AMOT: variants seen among roughly 807,000 people sequenced by gnomAD.
AMOT encodes angiomotin.
Under a neutral mutation model 67.0 loss-of-function variants are expected in AMOT, and 11 were observed. The observed-to-expected ratio is 0.16, with a 90% CI of 0.10 to 0.27. AMOT has a LOEUF of 0.27. Among genes scored for constraint, AMOT ranks in the 10% least tolerant of loss-of-function variants. The probability of loss-of-function intolerance (pLI) is 1.00; values close to 1 mark genes in which losing one functional copy is unlikely to be tolerated. For synonymous variants in AMOT, 326 were observed against 321.4 expected, an observed-to-expected ratio of 1.01 and a Z score of -0.15; for missense variants, 753 against 852.0, an observed-to-expected ratio of 0.88 and a Z score of 1.45.
At chrX:112,805,339 T>C (rs1569398243) in intron 7 of AMOT, among the ~76,000 whole-genome samples, 1 of 104,705 alleles carries the variant, frequency 9.6e-6, no homozygotes, top group Non-Finnish European at 1.9e-5. Context: ...TTGTAACGTG[T>C]TCCAAAAATT....
intron 10 of AMOT, among the ~76,000 whole-genome samples, chrX:112,785,403 C>T (rs772536754): frequency 1.3e-4 from 15 of 111,861 alleles, no homozygotes; most frequent in Non-Finnish European, 2.4e-4. Context: ...TCAGCATCAT[C>T]GTTTTGTTTA....
intron 4 of AMOT, among the ~76,000 whole-genome samples, 165 bp from the exon 5 acceptor site, chrX:112,816,042 T>C (rs1934548856): frequency 1.8e-5 from 2 of 110,442 alleles, no homozygotes. Flanking sequence ...GCCTGCTCTA[T>C]CTCTGCAAAG....
intron 7 of AMOT, among the ~76,000 whole-genome samples, chrX:112,808,681 A>C (rs899410559): frequency 8.9e-6 from 1 of 112,122 alleles, no homozygotes; most frequent in Admixed American, 9.5e-5. Context: ...CACAGAAAGG[A>C]GTATGATCTA....
At chrX:112,784,107 A>G (rs759264115) in intron 10 of AMOT, among the ~76,000 whole-genome samples, 6 of 112,103 alleles carry the variant, frequency 5.4e-5, no homozygotes, top group Non-Finnish European at 7.5e-5. Flanking sequence ...AAAGAATACA[A>G]TGGCTTTCAT....
At chrX:112,822,124 C>A in intron 4 of AMOT, 131 bp downstream of exon 4, 1 of 855,718 alleles carries the variant, frequency 1.2e-6, no homozygotes, top group African/African-American at 2.0e-5. Context: ...ATTCACGAAG[C>A]CAGAGGCCTG....
At chrX:112,832,839 G>A (rs1295660144) in intron 1 of AMOT, among the ~76,000 whole-genome samples, 1 of 111,313 alleles carries the variant, frequency 9.0e-6, no homozygotes. Context: ...CTCAGGTGCT[G>A]ACTGCAGGTG....
intron 1 of AMOT, among the ~76,000 whole-genome samples, chrX:112,839,509 G>A (rs999297881): frequency 9.0e-6 from 1 of 111,584 alleles, no homozygotes; most frequent in Non-Finnish European, 1.9e-5. Flanking sequence ...TCTTCATGGC[G>A]GGGAGGGAGG....
At chrX:112,825,484 G>A (rs1031080418) in intron 2 of AMOT, among the ~76,000 whole-genome samples, 3 of 111,528 alleles carry the variant, frequency 2.7e-5, no homozygotes, top group Non-Finnish European at 5.7e-5. Context: ...TGACCTCACA[G>A]CCCTAGAAAG....
chrX:112,798,258 C>A (rs1933902104), intron 8 of AMOT, among the ~76,000 whole-genome samples: 1 of 112,766 alleles, frequency 8.9e-6, no homozygotes, highest in East Asian at 2.8e-4. Context: ...TCCAAGAGTT[C>A]TTCCTTGAAT....
chrX:112,779,381 CAGCAGCAGCTGG>C lies in AMOT; in HGVS notation c.2761_2772del (p.Pro921_Ala924del), dbSNP rs1270350808. The C allele has an allele frequency of 4.8e-6, 5 of 1,044,881 alleles. No homozygotes were observed. The highest frequency in any genetic ancestry group is 6.6e-6 in the Non-Finnish European group (5 of 762,317). The allele number at this position is 1,044,881 out of a possible 1,213,427, so 86.1% of individuals were successfully genotyped here. On this transcript the variant is annotated inframe_deletion, in exon 13 of 14. Coordinates refer to ENST00000371959, the MANE Select transcript of AMOT (RefSeq NM_001113490.2). Reference sequence around the variant, plus strand: ...GCGGCAGTGGCTGGAGACGGGGCAGCAGCAGCAGCTGGAGCAGCAGCAGCAGCAACAGCAACT... The same window carrying C: ...GCGGCAGTGGCTGGAGACGGGGCAGCAGCAGCAGCAGCAGCAACAGCAACT...
intron 10 of AMOT, among the ~76,000 whole-genome samples, chrX:112,785,750 T>C (rs1303907346): frequency 8.9e-6 from 1 of 111,926 alleles, no homozygotes; most frequent in Admixed American, 9.5e-5. Context: ...CAGCAACAGA[T>C]CATGAAACTA....
At position 112,779,376 on chromosome X, in the gene AMOT, GGCAGCAGCAGCAGCTGGAGCA is replaced by G; in HGVS notation, c.2757_2777del (p.Ala920_Ala926del). 2.0e-6 allele frequency: 2 copies of G among 1,008,116 alleles called. No homozygotes were observed. Among genetic ancestry groups the G allele is most frequent in the South Asian group, 2.0e-5 (1 of 49,720 alleles). The allele number at this position is 1,008,116 out of a possible 1,213,427, so 83.1% of individuals were successfully genotyped here. Reference sequence around the variant, plus strand: ...TAGCAGCGGCAGTGGCTGGAGACGGGGCAGCAGCAGCAGCTGGAGCAGCAGCAGCAGCAACAGCAACTGGAG... The same window carrying G: ...TAGCAGCGGCAGTGGCTGGAGACGGGGCAGCAGCAGCAACAGCAACTGGAG... On this transcript the variant is annotated inframe_deletion, in exon 13 of 14. Transcript: ENST00000371959.
rs201021583 is a variant in AMOT at position 112,815,453 on chromosome X, T to C, written c.1297A>G (p.Arg433Gly). The C allele has an allele frequency of 1.1e-5, 13 of 1,209,936 alleles. No homozygotes were observed. Among genetic ancestry groups the C allele is most frequent in the African/African-American group, 1.8e-5 (1 of 57,090 alleles). Reference sequence around the variant, plus strand: ...AGGATCTCAACCATCTGCTGGGCTCTGGAAACAATGGCAAAAGGGTCTGCT... The same window carrying C: ...AGGATCTCAACCATCTGCTGGGCTCCGGAAACAATGGCAAAAGGGTCTGCT... The part of the protein sequence containing the change: ...VPADPFAIVS[R>G]AQQMVEILSD... Residue 433 changes from arginine (R) to glycine (G), a missense_variant, in exon 5 of 14, where the codon AGA (arginine) becomes GGA (glycine). Arg to Gly is a moderately radical substitution (Grantham distance 125, BLOSUM62 -2). Around this residue, in one of 5 missense-constraint regions of AMOT, gnomAD observed 297 missense variants for 284.3 expected, o/e 1.04. Coordinates refer to ENST00000371959, the MANE Select transcript of AMOT (RefSeq NM_001113490.2).
At chrX:112,809,353 A>G (rs142542129) in intron 7 of AMOT, among the ~76,000 whole-genome samples, 102 of 111,347 alleles carry the variant, frequency 9.2e-4, no homozygotes, top group African/African-American at 3.1e-3. Context: ...AAACACTATT[A>G]TGAGGAAGAC....
At chrX:112,813,798 T>C (rs1457539063) in intron 5 of AMOT, among the ~76,000 whole-genome samples, 1 of 111,858 alleles carries the variant, frequency 8.9e-6, no homozygotes, top group East Asian at 2.8e-4. Flanking sequence ...ACTGGGTTTC[T>C]AGTGTATGGA....
At chrX:112,812,616 G>T (rs1383203401) in intron 5 of AMOT, among the ~76,000 whole-genome samples, 1 of 112,082 alleles carries the variant, frequency 8.9e-6, no homozygotes, top group Non-Finnish European at 1.9e-5. Flanking sequence ...TAGCCACACA[G>T]ATATTTGCAT....
Position 112,837,160 on chromosome X carries a change from AAAAGTAAT to A in AMOT, c.-289+3284_-289+3291del, listed in dbSNP as rs201406926. 1.1e-4 allele frequency among the ~76,000 whole-genome samples: 12 copies of A among 112,443 alleles called. No individual in the cohort carries two copies. The East Asian group carries it at 3.3e-3, about 31-fold the overall frequency. Reference sequence around the variant, plus strand: ...ATCTATAAAGTCTGATTTATTTTCAAAAAGTAATACTAGCTTTCTTCTGCAAGCAGTTG... The same window carrying A: ...ATCTATAAAGTCTGATTTATTTTCAAACTAGCTTTCTTCTGCAAGCAGTTG... On this transcript the variant is annotated intron_variant, in intron 1 of 13. Transcript: ENST00000371959.
intron 4 of AMOT, among the ~76,000 whole-genome samples, chrX:112,816,360 C>A (rs764632176): frequency 1.8e-5 from 2 of 110,996 alleles, no homozygotes; most frequent in South Asian, 3.9e-4. Context: ...TAAAAACCAC[C>A]CCCATCTTGC....
chrX:112,781,478 T>C (rs1933172324), intron 11 of AMOT, among the ~76,000 whole-genome samples: 1 of 106,300 alleles, frequency 9.4e-6, no homozygotes. Flanking sequence ...ACCTTCTTGC[T>C]ACCTCCACAT....
Sources: allele counts gnomAD v4.1 joint callset (sites outside exome capture counted in the v4.1 genomes callset), GRCh38; gene constraint gnomAD v4.1.1; regional missense constraint gnomAD v4.1.1; transcripts MANE v1.5; gene names NCBI Gene and HGNC (gene_info 2026-07-23, HGNC 2026-07-21).